The following XPO7 variants were observed in gnomAD, a reference collection of about 807,000 sequenced individuals.
XPO7 encodes the protein exportin-7.
Under a neutral mutation model 144.3 loss-of-function variants are expected in XPO7, and 21 were observed. The ratio of observed to expected loss-of-function variants is 0.15; its 90% CI spans 0.10 to 0.21. The LOEUF (loss-of-function observed/expected upper bound fraction) is 0.21. Among genes scored for constraint, XPO7 ranks in the 10% least tolerant of loss-of-function variants. The pLI, the probability that XPO7 is intolerant of heterozygous loss-of-function variation, is 1.00. For synonymous variants in XPO7, 580 were observed against 499.6 expected (o/e 1.16, Z -2.15); for missense variants, 808 against 1,325.8 (o/e 0.61, Z 6.06).
chr8:21,944,939 T>A (rs956308134), intron 1 of XPO7, among the ~76,000 whole-genome samples: 7 of 152,198 alleles, frequency 4.6e-5, no homozygotes, highest in African/African-American at 1.7e-4. Flanking sequence ...GGTTATAGAT[T>A]AACAGCATCC....
At chr8:21,921,147 A>G (rs143098935) in intron 1 of XPO7, among the ~76,000 whole-genome samples, 35 of 152,328 alleles carry the variant, frequency 2.3e-4, no homozygotes, top group African/African-American at 7.7e-4. Flanking sequence ...GGAGATGATA[A>G]TAATGATAAT....
chr8:21,938,615 A>G (rs1810893103), intron 1 of XPO7, among the ~76,000 whole-genome samples: 1 of 152,152 alleles, frequency 6.6e-6, no homozygotes. Flanking sequence ...CTTTTTATTT[A>G]GTCCTCAACG....
chr8:21,961,245 T>C (rs1003951786), intron 1 of XPO7, among the ~76,000 whole-genome samples: 1 of 151,392 alleles, frequency 6.6e-6, no homozygotes, highest in African/African-American at 2.4e-5. Context: ...GGTCTCACTC[T>C]GTCACCCAGG....
intron 26 of XPO7, 69 bp downstream of exon 26, chr8:22,003,386 C>T (rs1252073312): frequency 8.6e-6 from 11 of 1,280,934 alleles, no homozygotes; most frequent in African/African-American, 4.4e-5. Flanking sequence ...TCACCAAGCC[C>T]TGGGAGAAAT....
intron 1 of XPO7, among the ~76,000 whole-genome samples, chr8:21,941,343 G>A (rs553738567): frequency 6.6e-6 from 1 of 151,972 alleles, no homozygotes; most frequent in Admixed American, 6.6e-5. Context: ...TTAGAGATGG[G>A]GTCTGGCCCT....
intron 26 of XPO7, 96 bp from the exon 27 acceptor site, chr8:22,003,807 C>T: frequency 1.9e-6 from 3 of 1,554,682 alleles, no homozygotes; most frequent in South Asian, 1.2e-5. Context: ...TTCCATTCCT[C>T]CTTAGAGAAG....
intron 21 of XPO7, among the ~76,000 whole-genome samples, chr8:21,996,396 CAG>C (rs1812949065): frequency 6.6e-6 from 1 of 152,128 alleles, no homozygotes; most frequent in Admixed American, 6.6e-5. Flanking sequence ...GCCTGGGTGA[CAG>C]AGCAAGACCC....
At chr8:21,999,751 C>A in intron 24 of XPO7, 77 bp downstream of exon 24, 1 of 1,570,690 alleles carries the variant, frequency 6.4e-7, no homozygotes, top group South Asian at 1.2e-5. Flanking sequence ...GAGAATCTTG[C>A]CCCAGTGTCC....
At chr8:21,935,635 G>T (rs1380868322) in intron 1 of XPO7, among the ~76,000 whole-genome samples, 1 of 152,156 alleles carries the variant, frequency 6.6e-6, no homozygotes, top group Non-Finnish European at 1.5e-5. Context: ...ACCGAATTTG[G>T]AGGAAGCATT....
At chr8:21,924,449 C>T (rs1378425025) in intron 1 of XPO7, among the ~76,000 whole-genome samples, 1 of 146,446 alleles carries the variant, frequency 6.8e-6, no homozygotes, top group Non-Finnish European at 1.5e-5. Flanking sequence ...AGCCCCCCTC[C>T]CCCCCCCACC....
At chr8:21,939,535 A>C (rs1384060433) in intron 1 of XPO7, among the ~76,000 whole-genome samples, 1 of 152,146 alleles carries the variant, frequency 6.6e-6, no homozygotes, top group Non-Finnish European at 1.5e-5. Context: ...TTGGATTTTT[A>C]AAGTTGCTTT....
intron 1 of XPO7, among the ~76,000 whole-genome samples, chr8:21,932,383 C>T (rs1426351324): frequency 1.3e-5 from 2 of 152,126 alleles, no homozygotes; most frequent in Non-Finnish European, 2.9e-5. Context: ...GAAACATTTA[C>T]TTAATATTCT....
At chr8:21,977,490 A>G (rs140699886) in intron 7 of XPO7, among the ~76,000 whole-genome samples, 378 of 152,148 alleles carry the variant, frequency 2.5e-3, no homozygotes, top group African/African-American at 8.3e-3. Context: ...GAGGCAGGAG[A>G]ATCCTTTAAA....
At chr8:22,002,022 G>A in intron 24 of XPO7, 90 bp from the exon 25 acceptor site, 2 of 1,463,816 alleles carry the variant, frequency 1.4e-6, no homozygotes, top group South Asian at 1.4e-5. Flanking sequence ...ATTGGCCACG[G>A]TACCCTAATG....
intron 9 of XPO7, 56 bp downstream of exon 9, chr8:21,980,259 T>C (rs544082426): frequency 1.3e-6 from 2 of 1,520,730 alleles, no homozygotes; most frequent in Non-Finnish European, 8.8e-7. Context: ...CCAGCTGTTA[T>C]GAGTCAGAAG....
chr8:21,966,169 T>G (rs541531209), intron 1 of XPO7: 2 of 669,198 alleles, frequency 3.0e-6, no homozygotes. Flanking sequence ...TGTGGGTGTT[T>G]CCCTTGTCTT....
In XPO7 at chr8:21,980,100, T is replaced by A; in HGVS notation, c.854T>A (p.Val285Glu). 6.3e-7 allele frequency: 1 copy of A among 1,598,526 alleles called. No individual in the cohort carries two copies. Among genetic ancestry groups the A allele is most frequent in the Non-Finnish European group, 8.5e-7 (1 of 1,171,450 alleles). The change falls in exon 9 of 28, where the codon GTA (valine) becomes GAA (glutamate). Residue 285 changes from valine (V) to glutamate (E), a missense_variant. By Grantham distance (121) the Val-to-Glu change is moderately radical (BLOSUM62 -2). Around this residue, in one of 5 missense-constraint regions of XPO7, gnomAD observed 223 missense variants for 368.8 expected, o/e 0.60. Coordinates refer to ENST00000252512, the MANE Select transcript of XPO7 (RefSeq NM_015024.5). The stretch of plus-strand genomic sequence containing the variant: ...TGCATTTAGGTATTATCCTGCTTGG[T>A]ACAGATCGCTTCAGTCAGAAGATCC... ...SFSPLVLSCL[V>E]QIASVRRSLF...
intron 27 of XPO7, among the ~76,000 whole-genome samples, chr8:22,004,730 C>T (rs1347615613): frequency 6.6e-6 from 1 of 151,916 alleles, no homozygotes; most frequent in Admixed American, 6.6e-5. Context: ...TTACTGCCCT[C>T]ACGTGTGAGG....
chr8:21,982,655 C>G lies in XPO7; in HGVS notation c.1120C>G (p.Pro374Ala). 6.3e-7 allele frequency: 1 copy of G among 1,593,528 alleles called. No individual in the cohort carries two copies. The highest frequency in any genetic ancestry group is 8.5e-7 in the Non-Finnish European group (1 of 1,173,152). ...TTTTCTTTAGCACTGGGAATTTGCT[C>G]CAAATAGTGTGCACTATCTTCTGAG... is the stretch of plus-strand genomic sequence containing the variant. Reference protein sequence around the residue: ...VTSLQHWEFAPNSVHYLLSLW... With the variant: ...VTSLQHWEFAANSVHYLLSLW... The change falls in exon 11 of 28, where the codon CCA becomes GCA. Residue 374 changes from proline to alanine, a missense_variant. By Grantham distance (27) the Pro-to-Ala change is conservative (BLOSUM62 -1). Coordinates refer to ENST00000252512, the MANE Select transcript of XPO7 (RefSeq NM_015024.5).
Sources: gnomAD v4.1 joint callset for allele counts (sites outside exome capture counted in the v4.1 genomes callset) on GRCh38, gnomAD v4.1.1 for gene constraint, gnomAD v4.1.1 regional missense constraint, MANE v1.5 for transcripts, NCBI Gene and HGNC (gene_info 2026-07-23, HGNC 2026-07-21) for gene names.